SV2C: variants seen among roughly 807,000 people sequenced by gnomAD.
SV2C encodes the protein solute carrier family 22 member B3.
Under a neutral mutation model 79.7 loss-of-function variants are expected in SV2C, and 49 were observed. The ratio of observed to expected loss-of-function variants is 0.61; its 90% CI spans 0.49 to 0.78. SV2C has a LOEUF of 0.78. SV2C is among the 30% of genes least tolerant of loss of function. SV2C has a pLI of 0.00. For missense variants in SV2C, 833 were observed against 912.9 expected, an observed-to-expected ratio of 0.91 and a Z score of 1.13; for synonymous variants, 334 against 333.2, an observed-to-expected ratio of 1.00 and a Z score of -0.03.
chr5:75,856,733 C>T, the SV2C span, among the ~76,000 whole-genome samples: 15 of 152,170 alleles, frequency 9.9e-5, no homozygotes, highest in Admixed American at 9.8e-4. Flanking sequence ...CATTTCCTCC[C>T]ATTCTGTGGG....
chr5:76,289,178 T>C (rs1410843092), intron 6 of SV2C, among the ~76,000 whole-genome samples: 2 of 152,210 alleles, frequency 1.3e-5, no homozygotes, highest in Non-Finnish European at 2.9e-5. Flanking sequence ...TGAGTCACCA[T>C]GCCTGGCCCT....
chr5:75,872,495 C>T, the SV2C span, among the ~76,000 whole-genome samples: 2 of 151,870 alleles, frequency 1.3e-5, no homozygotes, highest in South Asian at 2.1e-4. Context: ...GTATTTAAAA[C>T]AGTAAGATAT....
chr5:76,134,843 C>G (rs779001058), intron 2 of SV2C, among the ~76,000 whole-genome samples: 2 of 152,150 alleles, frequency 1.3e-5, no homozygotes, highest in Non-Finnish European at 2.9e-5. Flanking sequence ...TTGCCAAAGT[C>G]TATTTATTAA....
the SV2C span, among the ~76,000 whole-genome samples, chr5:75,884,996 A>C: frequency 2.0e-5 from 3 of 152,154 alleles, no homozygotes; most frequent in African/African-American, 7.2e-5. Context: ...ACAACAATAG[A>C]ATAAAGGCTA....
chr5:75,884,196 A>G, the SV2C span, among the ~76,000 whole-genome samples: 1 of 152,286 alleles, frequency 6.6e-6, no homozygotes, highest in East Asian at 1.9e-4. Flanking sequence ...GAGAAACACC[A>G]AAGGGGACCA....
At chr5:76,344,277 G>T (rs1749496149) in intron 12 of SV2C, among the ~76,000 whole-genome samples, 1 of 152,254 alleles carries the variant, frequency 6.6e-6, no homozygotes, top group Admixed American at 6.5e-5. Context: ...CCCTTGATTT[G>T]TTACAAAAGA....
At chr5:75,939,325 AG>A in the SV2C span, among the ~76,000 whole-genome samples, 2 of 152,080 alleles carry the variant, frequency 1.3e-5, no homozygotes. Flanking sequence ...CCTGGAGTGT[AG>A]AGGGCCACTT....
the SV2C span, among the ~76,000 whole-genome samples, chr5:76,009,643 A>G: frequency 1.3e-5 from 2 of 152,180 alleles, no homozygotes; most frequent in Non-Finnish European, 2.9e-5. Flanking sequence ...TCCTAAGCAA[A>G]TTAATTCAAG....
At chr5:76,199,801 G>A (rs1317079789) in intron 3 of SV2C, among the ~76,000 whole-genome samples, 1 of 152,234 alleles carries the variant, frequency 6.6e-6, no homozygotes, top group Non-Finnish European at 1.5e-5. Context: ...TATATGACTA[G>A]TGAATGAAAA....
the SV2C span, among the ~76,000 whole-genome samples, chr5:76,045,325 A>C: frequency 6.6e-6 from 1 of 152,270 alleles, no homozygotes; most frequent in Non-Finnish European, 1.5e-5. Context: ...GCCTTGCAGT[A>C]TAGTTAGAAG....
the SV2C span, among the ~76,000 whole-genome samples, chr5:75,866,175 C>G: frequency 2.6e-5 from 4 of 152,060 alleles, no homozygotes; most frequent in East Asian, 7.7e-4. Flanking sequence ...ACGTTTACTT[C>G]AACTGCCATG....
At chr5:76,139,663 T>G (rs1749187907) in intron 2 of SV2C, among the ~76,000 whole-genome samples, 1 of 152,112 alleles carries the variant, frequency 6.6e-6, no homozygotes, top group Non-Finnish European at 1.5e-5. Flanking sequence ...TTCACCTAGT[T>G]TCCTGGAGAA....
At chr5:75,874,048 C>T in the SV2C span, among the ~76,000 whole-genome samples, 1 of 152,128 alleles carries the variant, frequency 6.6e-6, no homozygotes, top group African/African-American at 2.4e-5. Context: ...CTTCCTAATT[C>T]ATTCTATGAG....
At chr5:75,871,252 A>G in the SV2C span, among the ~76,000 whole-genome samples, 1 of 152,098 alleles carries the variant, frequency 6.6e-6, no homozygotes, top group Non-Finnish European at 1.5e-5. Flanking sequence ...GCTTTTTTCA[A>G]AATCAAAACA....
At chr5:75,999,652 C>CTT in the SV2C span, among the ~76,000 whole-genome samples, 5,727 of 148,810 alleles carry the variant, frequency 0.038, 398 homozygotes, top group African/African-American at 0.13. Flanking sequence ...TCTTCTCTGC[C>CTT]TTTTTTTTTT....
At chr5:75,933,808 C>T in the SV2C span, among the ~76,000 whole-genome samples, 1 of 152,176 alleles carries the variant, frequency 6.6e-6, no homozygotes. Context: ...TTTATATTCT[C>T]ATCTTGCCTG....
intron 12 of SV2C, among the ~76,000 whole-genome samples, chr5:76,309,213 T>C (rs1376181595): frequency 6.6e-6 from 1 of 152,168 alleles, no homozygotes; most frequent in African/African-American, 2.4e-5. Flanking sequence ...GACTTTGAGC[T>C]GTCTTACAGA....
chr5:75,981,175 T>C, the SV2C span, among the ~76,000 whole-genome samples: 1 of 152,158 alleles, frequency 6.6e-6, no homozygotes, highest in Non-Finnish European at 1.5e-5. Context: ...GAAAGATCTC[T>C]ACAAAGTAAA....
At chr5:76,301,174 A>G (rs1159089226) in intron 11 of SV2C, among the ~76,000 whole-genome samples, 4 of 152,218 alleles carry the variant, frequency 2.6e-5, no homozygotes, top group African/African-American at 9.6e-5. Context: ...CAAGTAGCTG[A>G]GTAAAAGATG....
Sources: gnomAD v4.1 joint callset for allele counts (sites outside exome capture counted in the v4.1 genomes callset) on GRCh38, gnomAD v4.1.1 for gene constraint, MANE v1.5 for transcripts, NCBI Gene and HGNC (gene_info 2026-07-23, HGNC 2026-07-21) for gene names.